MANBA: variants seen among roughly 807,000 people sequenced by gnomAD.
The protein encoded by MANBA is mannosidase beta.
In MANBA, 83 loss-of-function variants were observed where a neutral mutation model predicts 111.1. The observed-to-expected ratio is 0.75, with a 90% confidence interval of 0.63 to 0.90. MANBA has a LOEUF of 0.90. Ranked by LOEUF, MANBA falls within the 40% of genes least tolerant of loss-of-function variation. The pLI is 0.00. For synonymous variants in MANBA, 370 were observed against 378.7 expected, an observed-to-expected ratio of 0.98 and a Z score of 0.27; for missense variants, 1,036 against 1,069.0, an observed-to-expected ratio of 0.97 and a Z score of 0.43.
chr4:102,635,370 C>T (rs190059804), intron 15 of MANBA, among the ~76,000 whole-genome samples: 19 of 152,264 alleles, frequency 1.2e-4, no homozygotes, highest in South Asian at 1.0e-3. Context: ...TATTAGTGTC[C>T]TCCAAACTAT....
chr4:102,680,582 TA>T (rs397722736), intron 7 of MANBA, among the ~76,000 whole-genome samples: 188 of 142,072 alleles, frequency 1.3e-3, no homozygotes, highest in Admixed American at 1.4e-3. Flanking sequence ...TCCAAAGTTC[TA>T]AAAAAAAAAA....
chr4:102,684,742 G>A (rs541223670), intron 7 of MANBA, among the ~76,000 whole-genome samples: 1 of 152,202 alleles, frequency 6.6e-6, no homozygotes, highest in Admixed American at 6.5e-5. Context: ...GTCTGATAAA[G>A]GAGAAGGCTG....
intron 1 of MANBA, among the ~76,000 whole-genome samples, chr4:102,745,176 A>G (rs1723543650): frequency 6.6e-6 from 1 of 152,236 alleles, no homozygotes; most frequent in East Asian, 1.9e-4. Flanking sequence ...AGTGTCCAGT[A>G]GTCCCCAAAA....
intron 12 of MANBA, among the ~76,000 whole-genome samples, chr4:102,657,425 C>T (rs918010216): frequency 6.6e-6 from 1 of 152,058 alleles, no homozygotes; most frequent in Non-Finnish European, 1.5e-5. Context: ...GAGTTATTTC[C>T]GTGTGTGATA....
chr4:102,736,420 G>A (rs1723217532), intron 1 of MANBA, among the ~76,000 whole-genome samples: 1 of 152,062 alleles, frequency 6.6e-6, no homozygotes, highest in Non-Finnish European at 1.5e-5. Context: ...TAAGCTTCTG[G>A]ACTCCATCAT....
intron 4 of MANBA, among the ~76,000 whole-genome samples, chr4:102,719,970 T>C (rs1292237102): frequency 6.6e-6 from 1 of 152,276 alleles, no homozygotes; most frequent in Admixed American, 6.5e-5. Context: ...CAAAGGGCTA[T>C]GTTCTATCTA....
chr4:102,748,519 T>C (rs902851060), intron 1 of MANBA, among the ~76,000 whole-genome samples: 1 of 152,186 alleles, frequency 6.6e-6, no homozygotes, highest in Non-Finnish European at 1.5e-5. Flanking sequence ...ATAACATCTA[T>C]GGAAGAATAC....
chr4:102,750,476 T>A (rs934171759), intron 1 of MANBA, among the ~76,000 whole-genome samples: 1 of 152,166 alleles, frequency 6.6e-6, no homozygotes, highest in African/African-American at 2.4e-5. Context: ...ATAATGGGAC[T>A]CTCTTCTCTG....
At chr4:102,721,059 C>T (rs972787640) in intron 4 of MANBA, among the ~76,000 whole-genome samples, 3 of 152,344 alleles carry the variant, frequency 2.0e-5, no homozygotes, top group Admixed American at 1.3e-4. Flanking sequence ...TTTCATGGCT[C>T]ACGCCTGTAA....
At chr4:102,709,017 TACTG>T (rs1721888058) in intron 5 of MANBA, among the ~76,000 whole-genome samples, 4 of 151,736 alleles carry the variant, frequency 2.6e-5, no homozygotes, top group Admixed American at 2.6e-4. Flanking sequence ...AACCTGCCAA[TACTG>T]ACTGACAAAA....
chr4:102,632,911 A>T (rs568443811), intron 16 of MANBA, among the ~76,000 whole-genome samples: 7 of 152,376 alleles, frequency 4.6e-5, no homozygotes, highest in Non-Finnish European at 1.0e-4. Context: ...GCCCAGAGTG[A>T]GGATGCGCTG....
intron 8 of MANBA, among the ~76,000 whole-genome samples, chr4:102,672,444 T>G (rs1235107680): frequency 2.6e-5 from 4 of 152,166 alleles, no homozygotes; most frequent in Admixed American, 2.0e-4. Flanking sequence ...GGAAAAACAT[T>G]TTTTTTCCTA....
intron 15 of MANBA, among the ~76,000 whole-genome samples, chr4:102,635,581 T>C (rs1317860426): frequency 1.3e-5 from 2 of 152,348 alleles, no homozygotes; most frequent in African/African-American, 4.8e-5. Flanking sequence ...AAGGGGCACA[T>C]TATAGCATAT....
At chr4:102,651,822 AAAT>A (rs1242432144) in intron 12 of MANBA, among the ~76,000 whole-genome samples, 2 of 152,236 alleles carry the variant, frequency 1.3e-5, no homozygotes, top group Non-Finnish European at 2.9e-5. Context: ...CACCAGAATT[AAAT>A]AATGCTAACT....
intron 5 of MANBA, among the ~76,000 whole-genome samples, chr4:102,698,866 T>G (rs901343316): frequency 2.6e-5 from 4 of 152,198 alleles, no homozygotes; most frequent in Admixed American, 6.5e-5. Context: ...ATATGAACTT[T>G]AAAGTAGTTT....
At chr4:102,649,540 C>T (rs997325245) in intron 13 of MANBA, among the ~76,000 whole-genome samples, 7 of 152,106 alleles carry the variant, frequency 4.6e-5, no homozygotes, top group African/African-American at 1.7e-4. Context: ...TTTATTGACG[C>T]TTTGGATATC....
chr4:102,729,072 C>A, intron 1 of MANBA: 2 of 777,532 alleles, frequency 2.6e-6, no homozygotes, highest in South Asian at 1.3e-5. Context: ...AGTTGCCATG[C>A]CATGTCCTGC....
intron 1 of MANBA, chr4:102,751,604 A>T (rs1212445344): frequency 1.9e-6 from 1 of 540,096 alleles, no homozygotes; most frequent in Non-Finnish European, 3.8e-6. Context: ...CCTTGGTCAA[A>T]CACATGGAAC....
chr4:102,719,264 T>C (rs1285461961), intron 4 of MANBA, among the ~76,000 whole-genome samples: 2 of 152,222 alleles, frequency 1.3e-5, no homozygotes, highest in Admixed American at 6.5e-5. Context: ...ATATTTCTCC[T>C]ACTTGCACAT....
Sources: gnomAD v4.1 joint callset for allele counts (sites outside exome capture counted in the v4.1 genomes callset) on GRCh38, gnomAD v4.1.1 for gene constraint, MANE v1.5 for transcripts, NCBI Gene and HGNC (gene_info 2026-07-23, HGNC 2026-07-21) for gene names.